ROBO2: variants seen among roughly 807,000 people sequenced by gnomAD.
ROBO2 encodes the protein roundabout guidance receptor 2.
ROBO2 carries 53 observed loss-of-function variants against 160.8 expected under a neutral mutation model. The ratio of observed to expected loss-of-function variants is 0.33; its 90% CI spans 0.26 to 0.41. The LOEUF is 0.41. Ranked by LOEUF, ROBO2 falls within the 10% of genes least tolerant of loss-of-function variation. The pLI is 1.00. For missense variants in ROBO2, 1,577 were observed against 1,722.4 expected, an observed-to-expected ratio of 0.92 and a Z score of 1.49; for synonymous variants, 664 against 611.7, an observed-to-expected ratio of 1.09 and a Z score of -1.26.
intron 2 of ROBO2, among the ~76,000 whole-genome samples, chr3:76,214,438 C>G (rs903653332): frequency 9.9e-5 from 15 of 152,124 alleles, no homozygotes; most frequent in Non-Finnish European, 8.8e-5. Context: ...ACAGATGGCA[C>G]CCGGAAAATC....
exon 13 of ROBO2, chr3:77,568,316 T>C (rs780922186): frequency 6.2e-7 from 1 of 1,612,630 alleles, no homozygotes; most frequent in African/African-American, 1.3e-5. Context: ...ACTGCAGATA[T>C]CAGCCCACCA....
chr3:76,333,068 G>A (rs1468605142), intron 2 of ROBO2, among the ~76,000 whole-genome samples: 2 of 152,172 alleles, frequency 1.3e-5, no homozygotes, highest in Non-Finnish European at 2.9e-5. Flanking sequence ...AGGCCCTGGA[G>A]CCACACCTTG....
At chr3:76,783,980 T>C (rs534148671) in intron 2 of ROBO2, among the ~76,000 whole-genome samples, 1 of 151,174 alleles carries the variant, frequency 6.6e-6, no homozygotes, top group South Asian at 2.1e-4. Flanking sequence ...ACTGACTTTT[T>C]TTTCTACATA....
intron 1 of ROBO2, 79 bp from the exon 2 acceptor site, chr3:77,097,935 C>A: frequency 1.6e-6 from 2 of 1,235,770 alleles, no homozygotes; most frequent in Non-Finnish European, 1.1e-6. Flanking sequence ...GTTTAATTTC[C>A]CCATCAGGAA....
intron 2 of ROBO2, among the ~76,000 whole-genome samples, chr3:76,176,505 G>A (rs2073236941): frequency 6.6e-6 from 1 of 152,002 alleles, no homozygotes; most frequent in Admixed American, 6.6e-5. Context: ...AATACAGAAT[G>A]GTACACTTTT....
rs151137068 is a variant in ROBO2, at chr3:77,087,311, G to T, written c.62-10703G>T. On this transcript the variant is annotated intron_variant, in intron 1 of 25. Coordinates refer to ENST00000461745, the Ensembl canonical transcript of ROBO2. ...GTTTCATTGCATCACCTTTTGTAAA[G>T]CCAAATGCAATTTCAAACCACATGA... Among the ~76,000 whole-genome samples the T allele has an allele frequency of 2.1e-3, 325 of 152,144 alleles. 2 individuals are homozygous for T. The highest frequency in any genetic ancestry group is 7.3e-3 in the African/African-American group (304 of 41,518).
At chr3:77,315,307 AC>A (rs1172520180) in intron 2 of ROBO2, among the ~76,000 whole-genome samples, 1 of 152,214 alleles carries the variant, frequency 6.6e-6, no homozygotes, top group African/African-American at 2.4e-5. Context: ...TATTCAGACC[AC>A]ATTGATTTTA....
chr3:77,176,107 A>G (rs537693320), intron 2 of ROBO2, among the ~76,000 whole-genome samples: 1 of 152,070 alleles, frequency 6.6e-6, no homozygotes, highest in East Asian at 1.9e-4. Context: ...AAGAGCTCCA[A>G]AAGATTGAGG....
intron 2 of ROBO2, among the ~76,000 whole-genome samples, chr3:76,622,852 G>A (rs1434507917): frequency 2.0e-5 from 3 of 152,074 alleles, no homozygotes; most frequent in African/African-American, 7.2e-5. Context: ...TATGTTGCAG[G>A]CACCTGTCAA....
At chr3:76,348,207 C>T (rs1185997885) in intron 2 of ROBO2, among the ~76,000 whole-genome samples, 1 of 152,094 alleles carries the variant, frequency 6.6e-6, no homozygotes, top group Non-Finnish European at 1.5e-5. Context: ...CACAGTCTCC[C>T]ACAGTCAGTA....
chr3:77,428,336 A>ATTTT (rs1560805194), intron 2 of ROBO2, among the ~76,000 whole-genome samples: 2 of 128,144 alleles, frequency 1.6e-5, no homozygotes, highest in African/African-American at 3.0e-5. Flanking sequence ...AAACTTAGGT[A>ATTTT]ATATTTTTTT....
At chr3:77,100,137 C>G (rs996630448) in intron 2 of ROBO2, among the ~76,000 whole-genome samples, 3 of 151,924 alleles carry the variant, frequency 2.0e-5, no homozygotes, top group Non-Finnish European at 2.9e-5. Flanking sequence ...TCAAACTGTT[C>G]TGGTGGGAAT....
Position 76,599,019 on chromosome 3 carries a change from G to A in ROBO2, c.110-498995G>A, listed in dbSNP as rs535574827. Reference sequence around the variant, plus strand: ...AAAAAGTAACCTCATCTTTAATTACGTTCTACATGTAAGAACTACCCATTT... The same window carrying A: ...AAAAAGTAACCTCATCTTTAATTACATTCTACATGTAAGAACTACCCATTT... On this transcript the variant is annotated intron_variant, in intron 2 of 26. Transcript: ENST00000487694. Among the ~76,000 whole-genome samples, 101 of 152,002 alleles carry A rather than the reference G, an allele frequency of 6.6e-4. 1 individual carries two copies. The highest frequency in any genetic ancestry group is 6.0e-3 in the Admixed American group (92 of 15,264).
intron 2 of ROBO2, among the ~76,000 whole-genome samples, chr3:75,947,372 A>C (rs1375356436): frequency 3.3e-5 from 5 of 152,128 alleles, no homozygotes; most frequent in Admixed American, 6.6e-5. Flanking sequence ...ATTACAGCCC[A>C]TGAGCCAGAT....
chr3:76,762,449 T>G (rs1258885713), intron 2 of ROBO2, among the ~76,000 whole-genome samples: 1 of 151,018 alleles, frequency 6.6e-6, no homozygotes, highest in African/African-American at 2.4e-5. Context: ...CCAGCTGTTT[T>G]TTTTTTTTTT....
intron 2 of ROBO2, among the ~76,000 whole-genome samples, chr3:77,467,331 G>T (rs2082865971): frequency 1.3e-5 from 2 of 152,100 alleles, no homozygotes; most frequent in South Asian, 4.2e-4. Context: ...TAATGGTAAG[G>T]GCTAAATGAG....
At chr3:76,973,879 A>ATAAGCTGC (rs751879223) in intron 2 of ROBO2, among the ~76,000 whole-genome samples, 2 of 152,202 alleles carry the variant, frequency 1.3e-5, no homozygotes, top group Non-Finnish European at 2.9e-5. Flanking sequence ...ACTACATCTG[A>ATAAGCTGC]TAAGCTGCCT....
At chr3:76,487,147 T>A (rs868272204) in intron 2 of ROBO2, among the ~76,000 whole-genome samples, 52 of 132,282 alleles carry the variant, frequency 3.9e-4, no homozygotes, top group African/African-American at 1.3e-3. Context: ...TTTTTTAATT[T>A]AATTTTTTTT....
At chr3:77,322,872 TATGTA>T (rs1170251507) in intron 2 of ROBO2, among the ~76,000 whole-genome samples, 1 of 71,588 alleles carries the variant, frequency 1.4e-5, no homozygotes, top group Admixed American at 1.7e-4. Context: ...TATAATATAT[TATGTA>T]ATATATTATA....
Sources: gnomAD v4.1 joint callset for allele counts (sites outside exome capture counted in the v4.1 genomes callset) on GRCh38, gnomAD v4.1.1 for gene constraint, MANE v1.5 for transcripts, NCBI Gene and HGNC (gene_info 2026-07-23, HGNC 2026-07-21) for gene names.